Variants in CRACD observed in about 807,000 individuals in gnomAD.
The protein encoded by CRACD is capping protein-inhibiting regulator of actin dynamics.
In CRACD, 56 loss-of-function variants were observed where a neutral mutation model predicts 106.8. The ratio of observed to expected loss-of-function variants is 0.52; its 90% CI spans 0.42 to 0.66. The LOEUF is 0.66. CRACD is among the 30% of genes least tolerant of loss of function. The pLI is 0.00. For missense variants in CRACD, 1,730 were observed against 1,623.2 expected, an observed-to-expected ratio of 1.07 and a Z score of -1.13; for synonymous variants, 754 against 670.8, an observed-to-expected ratio of 1.12 and a Z score of -1.92.
chr4:56,128,694 G>A (rs1360266453), intron 1 of CRACD, among the ~76,000 whole-genome samples: 1 of 152,098 alleles, frequency 6.6e-6, no homozygotes, highest in African/African-American at 2.4e-5. Flanking sequence ...TTGAGCCCAG[G>A]AATTTGACGC....
intron 6 of CRACD, among the ~76,000 whole-genome samples, chr4:56,312,096 G>T (rs1340675015): frequency 6.6e-6 from 1 of 152,014 alleles, no homozygotes; most frequent in African/African-American, 2.4e-5. Flanking sequence ...TTTCTCATCA[G>T]GTCCCTCTTC....
intron 1 of CRACD, among the ~76,000 whole-genome samples, chr4:56,084,759 A>G (rs930728324): frequency 6.6e-6 from 1 of 152,194 alleles, no homozygotes; most frequent in Admixed American, 6.5e-5. Context: ...ATGAATGATC[A>G]TTCAAAGTAG....
At chr4:56,238,955 A>G (rs1009432088) in intron 2 of CRACD, among the ~76,000 whole-genome samples, 1 of 152,180 alleles carries the variant, frequency 6.6e-6, no homozygotes. Context: ...TGGAGTCACC[A>G]AAAGCCCCAA....
intron 2 of CRACD, among the ~76,000 whole-genome samples, chr4:56,269,469 G>T (rs368795950): frequency 3.6e-4 from 55 of 152,056 alleles, no homozygotes; most frequent in African/African-American, 1.2e-3. Context: ...GCCTTCTGGG[G>T]AGGCTTCAGA....
In CRACD at chr4:56,204,710, AAG is replaced by A. The variant is rs149294075; in HGVS notation, c.-189+25283_-189+25284del. Among the ~76,000 whole-genome samples the A allele has an allele frequency of 4.6e-3, 707 of 152,350 alleles. 4 individuals carry two copies. The highest frequency in any genetic ancestry group is 0.014 in the African/African-American group (585 of 41,572). ...AAAGAAAAGAACTTAAAGAAATAAA[AAG>A]AGCAAAGTGGATCATTATAATCTTT... On this transcript the variant is annotated intron_variant, in intron 2 of 10. Coordinates refer to ENST00000682029, the MANE Select transcript of CRACD (RefSeq NM_001393381.1).
chr4:56,156,116 A>G lies in CRACD; in HGVS notation c.-335-23168A>G, dbSNP rs1244580697. ...TAGCTGGGAGTACATGCAGGCTACC[A>G]CGCCCAGCTAATTTTTGTGTTTTTA... On this transcript the variant is annotated intron_variant, in intron 1 of 10. Transcript: ENST00000682029. Among the ~76,000 whole-genome samples, 6 of 152,126 alleles carry G rather than the reference A, an allele frequency of 3.9e-5. No individual in the cohort carries two copies. The East Asian group carries it at 1.2e-3, about 29-fold the overall frequency.
chr4:56,230,989 A>G (rs1739584876), intron 2 of CRACD, among the ~76,000 whole-genome samples: 1 of 152,206 alleles, frequency 6.6e-6, no homozygotes, highest in African/African-American at 2.4e-5. Context: ...ATGGACTTGG[A>G]TCACCATATA....
chr4:56,122,204 T>C (rs1729256190), intron 1 of CRACD, among the ~76,000 whole-genome samples: 1 of 151,736 alleles, frequency 6.6e-6, no homozygotes. Context: ...AATGTCCTTG[T>C]ATTGTGCAAG....
chr4:56,306,291 T>C, intron 4 of CRACD, among the ~76,000 whole-genome samples: 1 of 152,020 alleles, frequency 6.6e-6, no homozygotes, highest in Non-Finnish European at 1.5e-5. Context: ...ACCAGGAGTT[T>C]GAGACCAGCC....
At chr4:56,161,167 C>T (rs1321330677) in intron 1 of CRACD, among the ~76,000 whole-genome samples, 1 of 152,036 alleles carries the variant, frequency 6.6e-6, no homozygotes, top group African/African-American at 2.4e-5. Context: ...GTAGGGGTAA[C>T]TCAGCGAGAT....
intron 2 of CRACD, among the ~76,000 whole-genome samples, chr4:56,216,999 A>G (rs1381858656): frequency 1.3e-5 from 2 of 149,016 alleles, no homozygotes; most frequent in East Asian, 2.0e-4. Context: ...AAAAAAAAAA[A>G]AAAGAAAAAA....
intron 1 of CRACD, among the ~76,000 whole-genome samples, chr4:56,064,362 G>A (rs1000391643): frequency 6.6e-6 from 1 of 152,214 alleles, no homozygotes; most frequent in African/African-American, 2.4e-5. Context: ...GAATGTGAAA[G>A]AGGATTAATG....
chr4:56,258,025 G>A (rs1577815409), intron 2 of CRACD, among the ~76,000 whole-genome samples: 1 of 149,322 alleles, frequency 6.7e-6, no homozygotes, highest in Non-Finnish European at 1.5e-5. Context: ...AGCCTAGATC[G>A]CACCACTGCA....
At chr4:56,301,885 T>A (rs1030082162) in intron 4 of CRACD, among the ~76,000 whole-genome samples, 1 of 151,758 alleles carries the variant, frequency 6.6e-6, no homozygotes, top group Non-Finnish European at 1.5e-5. Context: ...AAGATAAAAA[T>A]AGTGCACGTG....
At chr4:56,151,904 C>T (rs1032405449) in intron 1 of CRACD, among the ~76,000 whole-genome samples, 17 of 152,154 alleles carry the variant, frequency 1.1e-4, no homozygotes, top group African/African-American at 4.1e-4. Flanking sequence ...TCATTGCACC[C>T]TATCAGGTGG....
chr4:56,188,400 G>T (rs1737176878), intron 2 of CRACD, among the ~76,000 whole-genome samples: 1 of 151,988 alleles, frequency 6.6e-6, no homozygotes, highest in African/African-American at 2.4e-5. Context: ...CTTAGTGCTT[G>T]AGTTGGGGAG....
intron 2 of CRACD, among the ~76,000 whole-genome samples, chr4:56,258,843 G>A (rs1451826241): frequency 6.6e-6 from 1 of 152,182 alleles, no homozygotes; most frequent in East Asian, 1.9e-4. Flanking sequence ...AGAGGTATGT[G>A]GATAGATCTC....
At chr4:56,067,137 T>C (rs1732490447) in intron 1 of CRACD, among the ~76,000 whole-genome samples, 1 of 152,034 alleles carries the variant, frequency 6.6e-6, no homozygotes, top group African/African-American at 2.4e-5. Context: ...AGTCTTCTTC[T>C]AGGAGCCTCT....
chr4:56,289,290 G>A (rs983267055), intron 3 of CRACD, among the ~76,000 whole-genome samples: 6 of 152,080 alleles, frequency 3.9e-5, no homozygotes, highest in Admixed American at 1.3e-4. Context: ...ACATTTTATC[G>A]TAATAAAATC....
Sources: gnomAD v4.1 joint callset for allele counts (sites outside exome capture counted in the v4.1 genomes callset) on GRCh38, gnomAD v4.1.1 for gene constraint, MANE v1.5 for transcripts, NCBI Gene and HGNC (gene_info 2026-07-23, HGNC 2026-07-21) for gene names.